The following ANKS6 variants were observed in gnomAD, a reference collection of about 807,000 sequenced individuals.
ANKS6 encodes ankyrin repeat and sterile alpha motif domain containing 6.
A neutral mutation model predicts 77.9 loss-of-function variants in ANKS6; 47 were observed. That is an observed-to-expected ratio of 0.60 (90% CI 0.48 to 0.77). ANKS6 has a LOEUF of 0.77. Among genes scored for constraint, ANKS6 ranks in the 30% least tolerant of loss-of-function variants. The probability of loss-of-function intolerance (pLI) is 0.00; values close to 1 mark genes in which losing one functional copy is unlikely to be tolerated. For synonymous variants in ANKS6, 488 were observed against 501.7 expected, an observed-to-expected ratio of 0.97 and a Z score of 0.37; for missense variants, 1,150 against 1,159.1, an observed-to-expected ratio of 0.99 and a Z score of 0.11.
At chr9:98,742,523 C>T (rs75470183) in intron 14 of ANKS6, among the ~76,000 whole-genome samples, 1 of 152,208 alleles carries the variant, frequency 6.6e-6, no homozygotes, top group African/African-American at 2.4e-5. Context: ...ATGGTCTTCA[C>T]TTCCAGAGGA....
In ANKS6 at chr9:98,736,077, G is replaced by T; in HGVS notation, c.*442C>A. ...CACATCCTGGCCTCCTCTGCATCCA[G>T]GTGGGGCCACATGACTACCAGTGGC... is the stretch of plus-strand genomic sequence containing the variant. On this transcript the variant is annotated 3_prime_UTR_variant, in exon 15 of 15. Transcript: ENST00000353234. 8.5e-7 allele frequency: 1 copy of T among 1,170,834 alleles called. No homozygotes were observed. The highest frequency in any genetic ancestry group is 1.1e-6 in the Non-Finnish European group (1 of 948,502). 72.5% of individuals were successfully genotyped at this position (1,170,834 alleles called of 1,614,324 possible).
chr9:98,747,798 C>T (rs971462461), intron 13 of ANKS6, among the ~76,000 whole-genome samples: 5 of 152,210 alleles, frequency 3.3e-5, no homozygotes, highest in Admixed American at 1.3e-4. Flanking sequence ...CACCTCCACA[C>T]CAGAGGTAAC....
intron 12 of ANKS6, among the ~76,000 whole-genome samples, chr9:98,753,026 G>A (rs544684606): frequency 1.9e-4 from 29 of 152,118 alleles, no homozygotes; most frequent in Admixed American, 1.4e-3. Context: ...CCACAGTGGT[G>A]TGCTGGTAAA....
At chr9:98,743,127 C>G in intron 14 of ANKS6, among the ~76,000 whole-genome samples, 1 of 152,192 alleles carries the variant, frequency 6.6e-6, no homozygotes, top group South Asian at 2.1e-4. Context: ...CTCACTGGCC[C>G]TGCCTCCAGA....
intron 5 of ANKS6, among the ~76,000 whole-genome samples, chr9:98,780,603 G>A (rs1288963803): frequency 6.6e-6 from 1 of 152,194 alleles, no homozygotes; most frequent in Non-Finnish European, 1.5e-5. Context: ...AAAAGTGCAG[G>A]CTTCACAGCC....
chr9:98,753,935 C>A (rs1047347942), intron 12 of ANKS6, among the ~76,000 whole-genome samples: 1 of 152,126 alleles, frequency 6.6e-6, no homozygotes, highest in Non-Finnish European at 1.5e-5. Flanking sequence ...GTTTAACAAC[C>A]AGCTTGGGCA....
In ANKS6 at chr9:98,750,933, G is replaced by T. The variant is rs1438277984; in HGVS notation, c.2394+96C>A. 9 of 944,154 alleles carry T rather than the reference G, an allele frequency of 9.5e-6. No individual in the cohort carries two copies. The South Asian group carries it at 1.2e-4, about 12-fold the overall frequency. The allele number at this position is 944,154 out of a possible 1,614,324, so 58.5% of individuals were successfully genotyped here. On this transcript the variant is annotated intron_variant, in intron 13 of 14. Transcript: ENST00000353234. ...TTTCCTCAACTGTCTCAGTGCAAGA[G>T]ATCAATCTAGGCTTGCAAAATGAAA...
rs758665461 is a variant in ANKS6, at chr9:98,782,493, T to G, written c.1193A>C (p.Asp398Ala). ...GGGATCATTCAGCAGCATCACCAGG[T>G]CAAAGGCCGTGTATCCATTTTTTGC... is the stretch of plus-strand genomic sequence containing the variant. ...LRAKNGYTAF[D>A]LVMLLNDPDT... The change falls in exon 5 of 15, where the codon GAC becomes GCC. Residue 398 changes from aspartate (D) to alanine (A), a missense_variant. Coordinates refer to ENST00000353234, the MANE Select transcript of ANKS6 (RefSeq NM_173551.5). 9 of 1,614,146 alleles carry G rather than the reference T, an allele frequency of 5.6e-6. No homozygotes were observed. The South Asian group carries it at 9.9e-5, about 18-fold the overall frequency.
intron 7 of ANKS6, 147 bp downstream of exon 7, chr9:98,778,079 C>G (rs2118082393): frequency 1.0e-6 from 1 of 994,670 alleles, no homozygotes; most frequent in Non-Finnish European, 1.4e-6. Context: ...GCCTAAGTAT[C>G]TTTTCCACCA....
intron 11 of ANKS6, among the ~76,000 whole-genome samples, chr9:98,763,724 C>T (rs995576944): frequency 9.2e-5 from 14 of 151,898 alleles, no homozygotes; most frequent in African/African-American, 3.4e-4. Context: ...TGATAAACTT[C>T]TAGCCAAACT....
In ANKS6 at chr9:98,742,541, T is replaced by C. The variant is rs1026226623; in HGVS notation, c.2511+3018A>G. Among the ~76,000 whole-genome samples the C allele has an allele frequency of 5.3e-5, 8 of 152,266 alleles. No homozygotes were observed. In the South Asian group the frequency reaches 1.4e-3, roughly 28 times the overall value. On this transcript the variant is annotated intron_variant, in intron 14 of 14. Transcript: ENST00000353234. ...GTCTTCACTTCCAGAGGACTTTATC[T>C]GGTATTATTTACTCTTGAATAACAG...
chr9:98,743,635 A>G (rs1831960476), intron 14 of ANKS6, among the ~76,000 whole-genome samples: 1 of 152,148 alleles, frequency 6.6e-6, no homozygotes, highest in African/African-American at 2.4e-5. Flanking sequence ...GCTGTGGGTT[A>G]GCTACACTGA....
chr9:98,733,307 T>C lies in ANKS6; in HGVS notation c.*3212A>G, dbSNP rs1021923038. 1.4e-5 allele frequency: 14 copies of C among 985,514 alleles called. No individual in the cohort carries two copies. Among genetic ancestry groups the C allele is most frequent in the Non-Finnish European group, 1.7e-5 (14 of 829,994 alleles). The allele number at this position is 985,514 out of a possible 1,614,324, so 61.0% of individuals were successfully genotyped here. ...GGAGCCCTCCGTGGCCAGCAGGGAC[T>C]TGGACATCCAGCACTCACGACACAC... On this transcript the variant is annotated 3_prime_UTR_variant, in exon 15 of 15. Transcript: ENST00000353234.
chr9:98,764,377 T>C (rs1351969458), intron 11 of ANKS6, among the ~76,000 whole-genome samples: 1 of 152,232 alleles, frequency 6.6e-6, no homozygotes, highest in Non-Finnish European at 1.5e-5. Flanking sequence ...GATCTGTGGT[T>C]TGGCATCTGT....
intron 7 of ANKS6, among the ~76,000 whole-genome samples, chr9:98,777,837 T>C (rs1266927974): frequency 2.6e-5 from 4 of 152,214 alleles, no homozygotes. Flanking sequence ...TTGAATACCT[T>C]GAGTGACGGG....
At chr9:98,747,013 G>A (rs949732878) in intron 13 of ANKS6, among the ~76,000 whole-genome samples, 1 of 152,188 alleles carries the variant, frequency 6.6e-6, no homozygotes, top group Non-Finnish European at 1.5e-5. Context: ...GGGGACCTGG[G>A]CAGGTGCCTT....
chr9:98,790,560 C>G lies in ANKS6; in HGVS notation c.406G>C (p.Asp136His), dbSNP rs2118177712. 1 of 1,611,122 alleles carries G rather than the reference C, an allele frequency of 6.2e-7. No individual in the cohort carries two copies. Among genetic ancestry groups the G allele is most frequent in the African/African-American group, 1.3e-5 (1 of 75,018 alleles). The change falls in exon 2 of 15, where the codon GAT becomes CAT. Residue 136 changes from aspartate (D) to histidine (H), a missense_variant. Coordinates refer to ENST00000353234, the MANE Select transcript of ANKS6 (RefSeq NM_173551.5). ...VAHLLLDHGA[D>H]VNAQNRLGAS... Reference sequence around the variant, plus strand: ...CCCAGCCGGTTCTGGGCATTGACATCAGCCCCGTGATCCAACAGGAGGTGT... The same window carrying G: ...CCCAGCCGGTTCTGGGCATTGACATGAGCCCCGTGATCCAACAGGAGGTGT...
At chr9:98,745,419 A>T in intron 14 of ANKS6, 140 bp downstream of exon 14, 1 of 793,974 alleles carries the variant, frequency 1.3e-6, no homozygotes. Flanking sequence ...GAAGTCCGAA[A>T]AGGGAAAAGG....
chr9:98,777,892 A>G (rs1834003066), intron 7 of ANKS6, among the ~76,000 whole-genome samples: 1 of 152,216 alleles, frequency 6.6e-6, no homozygotes, highest in South Asian at 2.1e-4. Context: ...TTATTTCAAG[A>G]TGCTTTCAGT....
Sources: gnomAD v4.1 joint callset for allele counts (sites outside exome capture counted in the v4.1 genomes callset) on GRCh38, gnomAD v4.1.1 for gene constraint, MANE v1.5 for transcripts, NCBI Gene and HGNC (gene_info 2026-07-23, HGNC 2026-07-21) for gene names.